The following KCNIP4 variants were observed in gnomAD, a reference collection of about 807,000 sequenced individuals.
KCNIP4 encodes potassium voltage-gated channel interacting protein 4, also known as Kv channel-interacting protein 4.
A neutral mutation model predicts 34.0 loss-of-function variants in KCNIP4; 12 were observed. That is an observed-to-expected ratio of 0.35 (90% CI 0.23 to 0.57). The LOEUF (loss-of-function observed/expected upper bound fraction) is 0.57. Ranked by LOEUF, KCNIP4 falls within the 20% of genes least tolerant of loss-of-function variation. The pLI is 0.83. For synonymous variants in KCNIP4, 124 were observed against 102.2 expected (o/e 1.21, Z -1.29); for missense variants, 238 against 311.7 (o/e 0.76, Z 1.78).
chr4:21,362,289 A>C (rs1719313536), intron 1 of KCNIP4, among the ~76,000 whole-genome samples: 1 of 152,144 alleles, frequency 6.6e-6, no homozygotes, highest in Admixed American at 6.6e-5. Flanking sequence ...ATAGCCAAGA[A>C]GCTGGCTCCA....
At chr4:21,942,083 C>G (rs1317055877) in intron 1 of KCNIP4, among the ~76,000 whole-genome samples, 2 of 152,204 alleles carry the variant, frequency 1.3e-5, no homozygotes, top group African/African-American at 4.8e-5. Context: ...TCACTTCCCA[C>G]TTACTTCCCT....
intron 1 of KCNIP4, among the ~76,000 whole-genome samples, chr4:21,577,524 G>A (rs1740835429): frequency 6.6e-6 from 1 of 152,110 alleles, no homozygotes; most frequent in Admixed American, 6.5e-5. Flanking sequence ...CCAGCTACTT[G>A]GGAGGCTGAG....
At chr4:21,033,774 T>C (rs1281661897) in intron 1 of KCNIP4, among the ~76,000 whole-genome samples, 1 of 152,180 alleles carries the variant, frequency 6.6e-6, no homozygotes, top group African/African-American at 2.4e-5. Context: ...ATTTAAATAT[T>C]GGGCCAATAT....
chr4:21,230,421 G>T (rs1249635497), intron 1 of KCNIP4, among the ~76,000 whole-genome samples: 1 of 152,148 alleles, frequency 6.6e-6, no homozygotes, highest in East Asian at 1.9e-4. Flanking sequence ...GTGCAAGAGT[G>T]GTTTGCTGAA....
intron 1 of KCNIP4, among the ~76,000 whole-genome samples, chr4:21,504,606 G>GT (rs1332027449): frequency 2.0e-5 from 3 of 152,238 alleles, no homozygotes; most frequent in East Asian, 3.9e-4. Context: ...GCTGATCTAA[G>GT]TTAGGGGCCT....
At chr4:21,625,573 G>A (rs1745264543) in intron 1 of KCNIP4, among the ~76,000 whole-genome samples, 1 of 152,140 alleles carries the variant, frequency 6.6e-6, no homozygotes, top group South Asian at 2.1e-4. Context: ...ACTGCAGAAA[G>A]CTGGTGAGCT....
chr4:21,315,552 C>T (rs1713654217), intron 1 of KCNIP4, among the ~76,000 whole-genome samples: 1 of 152,132 alleles, frequency 6.6e-6, no homozygotes, highest in Non-Finnish European at 1.5e-5. Context: ...GGGCCAGTGC[C>T]CTTACCTCTG....
At chr4:21,115,896 C>CT (rs1749633379) in intron 1 of KCNIP4, among the ~76,000 whole-genome samples, 1 of 152,090 alleles carries the variant, frequency 6.6e-6, no homozygotes, top group Admixed American at 6.6e-5. Context: ...CAGATATAAG[C>CT]TTTTTTAGAA....
At chr4:21,064,642 A>G (rs1444693207) in intron 1 of KCNIP4, among the ~76,000 whole-genome samples, 2 of 152,166 alleles carry the variant, frequency 1.3e-5, no homozygotes, top group Non-Finnish European at 2.9e-5. Flanking sequence ...GAACTTATAT[A>G]GAAGGGAAAT....
chr4:20,732,604 A>G, intron 7 of KCNIP4, 77 bp downstream of exon 7: 2 of 868,812 alleles, frequency 2.3e-6, no homozygotes, highest in Non-Finnish European at 3.9e-6. Context: ...TCTCTTTTGA[A>G]TCATCGTGGT....
chr4:21,591,764 C>T (rs71607085), intron 1 of KCNIP4, among the ~76,000 whole-genome samples: 12,279 of 151,940 alleles, frequency 0.081, 581 homozygotes, highest in Middle Eastern at 0.2. Flanking sequence ...TGCAAGTGTG[C>T]AATTAAAGCA....
intron 1 of KCNIP4, among the ~76,000 whole-genome samples, chr4:21,219,622 G>A (rs1334965745): frequency 6.6e-6 from 1 of 152,120 alleles, no homozygotes; most frequent in African/African-American, 2.4e-5. Context: ...CTGGTTGAGA[G>A]AAGAAAGGGG....
At chr4:21,544,510 T>C (rs1413911316) in intron 1 of KCNIP4, 1 of 152,124 alleles carries the variant, frequency 6.6e-6, no homozygotes, top group Non-Finnish European at 1.5e-5. Context: ...CTAATCCACT[T>C]TCATGCTCAT....
intron 1 of KCNIP4, among the ~76,000 whole-genome samples, chr4:21,336,918 G>C (rs1384888552): frequency 2.0e-5 from 3 of 152,008 alleles, no homozygotes; most frequent in Non-Finnish European, 4.4e-5. Flanking sequence ...AAGGTACTGG[G>C]AGAACACAGC....
chr4:21,633,856 T>TA (rs908076606), intron 1 of KCNIP4, among the ~76,000 whole-genome samples: 9 of 151,870 alleles, frequency 5.9e-5, no homozygotes, highest in African/African-American at 1.4e-4. Context: ...TTTTCCAAAA[T>TA]AAAAAAAATT....
intron 1 of KCNIP4, among the ~76,000 whole-genome samples, chr4:21,342,353 T>C (rs906082866): frequency 2.6e-5 from 4 of 152,168 alleles, no homozygotes; most frequent in South Asian, 2.1e-4. Flanking sequence ...ATATAATATA[T>C]ACAGCATAGG....
At chr4:21,879,453 A>G (rs1000736970) in intron 1 of KCNIP4, among the ~76,000 whole-genome samples, 3 of 152,218 alleles carry the variant, frequency 2.0e-5, no homozygotes, top group Non-Finnish European at 4.4e-5. Context: ...TGCCCCCTTC[A>G]GGCAAGCCTG....
chr4:21,465,656 C>T (rs1729857899), intron 1 of KCNIP4, among the ~76,000 whole-genome samples: 2 of 152,028 alleles, frequency 1.3e-5, no homozygotes, highest in Admixed American at 1.3e-4. Context: ...CTTCTCCAAG[C>T]TTTCTCAGTC....
In KCNIP4 at chr4:20,729,929, C is replaced by G; in HGVS notation, c.*153G>C. On this transcript the variant is annotated 3_prime_UTR_variant, in exon 9 of 9. Transcript: ENST00000382152. ...CAAATTTATAACTGAAAGCTCAAATCTTTTGGGGATTGCTTTATATTAAAA... is the reference window on the plus strand; with the variant it reads ...CAAATTTATAACTGAAAGCTCAAATGTTTTGGGGATTGCTTTATATTAAAA... 2 of 830,722 alleles carry G rather than the reference C, an allele frequency of 2.4e-6. No homozygotes were observed. Among genetic ancestry groups the G allele is most frequent in the Non-Finnish European group, 3.4e-6 (2 of 584,202 alleles). 51.5% of individuals were successfully genotyped at this position (830,722 alleles called of 1,614,324 possible). A position where few individuals can be genotyped will look rare whatever the true frequency, so the allele number is the denominator to read the frequency against.
Sources: allele counts gnomAD v4.1 joint callset (sites outside exome capture counted in the v4.1 genomes callset), GRCh38; gene constraint gnomAD v4.1.1; transcripts MANE v1.5; gene names NCBI Gene and HGNC (gene_info 2026-07-23, HGNC 2026-07-21).